The following RPL14 variants were observed in gnomAD, a reference collection of about 807,000 sequenced individuals.
RPL14 encodes ribosomal protein L14.
In RPL14, 4 loss-of-function variants were observed where a neutral mutation model predicts 25.3. That is an observed-to-expected ratio of 0.16 (90% confidence interval 0.08 to 0.36). RPL14 has a LOEUF of 0.36. Ranked by LOEUF, RPL14 falls within the 10% of genes least tolerant of loss-of-function variation. The pLI, the probability that RPL14 is intolerant of heterozygous loss-of-function variation, is 1.00. For missense variants in RPL14, 212 were observed against 261.9 expected, an observed-to-expected ratio of 0.81 and a Z score of 1.31; for synonymous variants, 75 against 89.8, an observed-to-expected ratio of 0.84 and a Z score of 0.93.
At chr3:40,460,533 A>G (rs2125625366) in intron 3 of RPL14, among the ~76,000 whole-genome samples, 1 of 152,092 alleles carries the variant, frequency 6.6e-6, no homozygotes. Flanking sequence ...AAAAGAAAAA[A>G]AAAAAGAATG....
chr3:40,459,116 C>G (rs566619780), intron 3 of RPL14: 2 of 214,482 alleles, frequency 9.3e-6, no homozygotes, highest in East Asian at 1.3e-4. Context: ...TTAGCGAGGT[C>G]GAGGCTGCAG....
At position 40,467,193 on chromosome 3, in the gene RPL14, G is replaced by A. The variant is rs576812834; in HGVS notation, c.*4961G>A. 7 of 152,062 alleles carry A rather than the reference G, an allele frequency of 4.6e-5. No individual in the cohort carries two copies. In the East Asian group the frequency reaches 5.8e-4, roughly 13 times the overall value. The allele number at this position is 152,062 out of a possible 1,614,324, so 9.4% of individuals were successfully genotyped here. A position where few individuals can be genotyped will look rare whatever the true frequency, so the allele number is the denominator to read the frequency against. The stretch of plus-strand genomic sequence containing the variant: ...TGCAACTTGCCTTTTTTCTTAATAC[G>A]TTCTGGAGATCTTATCTAGTCAGCC... On this transcript the variant is annotated 3_prime_UTR_variant, in exon 6 of 6. Transcript: ENST00000396203.
At position 40,468,245 on chromosome 3, in the gene RPL14, G is replaced by A. The variant is rs184019733; in HGVS notation, c.*6013G>A. 6.6e-6 allele frequency: 1 copy of A among 152,320 alleles called. No homozygotes were observed. The highest frequency in any genetic ancestry group is 1.9e-4 in the East Asian group (1 of 5,186). The allele number at this position is 152,320 out of a possible 1,614,324, so 9.4% of individuals were successfully genotyped here. The stretch of plus-strand genomic sequence containing the variant: ...CACATTGCCAATCAGTGCACTTGCT[G>A]GATTGAAGAATGTGAGTGTTTGTAT... On this transcript the variant is annotated 3_prime_UTR_variant, in exon 6 of 6. Transcript: ENST00000396203.
At chr3:40,458,531 A>G in intron 2 of RPL14, 111 bp from the exon 3 acceptor site, 1 of 751,934 alleles carries the variant, frequency 1.3e-6, no homozygotes, top group South Asian at 1.6e-5. Flanking sequence ...ATTTATTAAA[A>G]TAGTAGTGTG....
In RPL14 at chr3:40,458,678, C is replaced by G; in HGVS notation, c.142C>G (p.Gln48Glu). 6.2e-7 allele frequency: 1 copy of G among 1,614,164 alleles called. No homozygotes were observed. The highest frequency in any genetic ancestry group is 1.7e-5 in the Admixed American group (1 of 60,024). Residue 48 changes from glutamine to glutamate, a missense_variant, in exon 3 of 6, where the codon CAG (glutamine) becomes GAG (glutamate). Gln to Glu is a conservative substitution (Grantham distance 29, BLOSUM62 2). This residue lies in a region of RPL14 where 143 missense variants were observed against 180.3 expected (regional missense o/e 0.79). Transcript: ENST00000396203. The stretch of plus-strand genomic sequence containing the variant: ...TGGACCTTGCACTCAAGTGAGGAGA[C>G]AGGCCATGCCTTTCAAGTGCATGCA... ...VDGPCTQVRR[Q>E]AMPFKCMQLT...
rs576986966 is a variant in RPL14 at position 40,462,333 on chromosome 3, A to T, written c.*101A>T. The T allele has an allele frequency of 3.9e-6, 4 of 1,030,484 alleles. No homozygotes were observed. Among genetic ancestry groups the T allele is most frequent in the African/African-American group, 3.3e-5 (2 of 61,244 alleles). The allele number at this position is 1,030,484 out of a possible 1,614,324, so 63.8% of individuals were successfully genotyped here. On this transcript the variant is annotated 3_prime_UTR_variant, in exon 6 of 6. Transcript: ENST00000396203. ...TGTTGAGGCTGGAGTTAGGAGGCAG[A>T]TTGATAGTAGGATTATAATAAACAT...
At position 40,463,202 on chromosome 3, in the gene RPL14, C is replaced by G. The variant is rs1696975829; in HGVS notation, c.*970C>G. The G allele has an allele frequency of 2.0e-5, 3 of 151,398 alleles. No homozygotes were observed. The highest frequency in any genetic ancestry group is 4.4e-5 in the Non-Finnish European group (3 of 67,958). The allele number at this position is 151,398 out of a possible 1,614,324, so 9.4% of individuals were successfully genotyped here. Reference sequence around the variant, plus strand: ...GGGATTATAGGCATGGGCCACTGCACTTGGCCTTTTTTTGTTTTTTTGAGA... The same window carrying G: ...GGGATTATAGGCATGGGCCACTGCAGTTGGCCTTTTTTTGTTTTTTTGAGA... On this transcript the variant is annotated 3_prime_UTR_variant, in exon 6 of 6. Transcript: ENST00000396203.
In RPL14 at chr3:40,464,345, C is replaced by G. The variant is rs981575939; in HGVS notation, c.*2113C>G. The stretch of plus-strand genomic sequence containing the variant: ...GTAAAGGAAAAAGCACATTGATTTG[C>G]TTGATAATAGGCAAGTGGTATGGTG... On this transcript the variant is annotated 3_prime_UTR_variant, in exon 6 of 6. Coordinates refer to ENST00000396203, the MANE Select transcript of RPL14 (RefSeq NM_001034996.3). 2.3e-5 allele frequency: 9 copies of G among 389,806 alleles called. No homozygotes were observed. The highest frequency in any genetic ancestry group is 1.9e-4 in the African/African-American group (9 of 48,082). The allele number at this position is 389,806 out of a possible 1,614,324, so 24.1% of individuals were successfully genotyped here.
rs750297291 is a variant in RPL14 at position 40,457,470 on chromosome 3, G to T, written c.-2G>T. The stretch of plus-strand genomic sequence containing the variant: ...CGGCTCCCAGAGGGTCCCGGGAAGC[G>T]CATGGTGAGGGTCCCCGGGCCGGCT... On this transcript the variant is annotated 5_prime_UTR_variant, in exon 1 of 6. Transcript: ENST00000396203. 14 of 1,563,112 alleles carry T rather than the reference G, an allele frequency of 9.0e-6. No homozygotes were observed. The South Asian group carries it at 1.5e-4, about 17-fold the overall frequency.
rs1281849082 is a variant in RPL14 at position 40,462,083 on chromosome 3, A to G, written c.499A>G (p.Thr167Ala). Residue 167 changes from threonine to alanine, a missense_variant, in exon 6 of 6, where the codon ACC becomes GCC. By Grantham distance (58) the Thr-to-Ala change is moderately conservative. Coordinates refer to ENST00000396203, the MANE Select transcript of RPL14 (RefSeq NM_001034996.3). ...TGCTAAAGTTCCAGCAAAAAAGATC[A>G]CCGCCGCGAGTAAAAAGGCTCCAGC... ...AAAKVPAKKI[T>A]AASKKAPAQK... 5.1e-6 allele frequency: 8 copies of G among 1,572,988 alleles called. No individual in the cohort carries two copies. The highest frequency in any genetic ancestry group is 6.9e-6 in the Non-Finnish European group (8 of 1,154,066).
Position 40,461,517 on chromosome 3 carries a change from A to G in RPL14, c.300+11A>G. The stretch of plus-strand genomic sequence containing the variant: ...GAAGCCAGAGAAAGGGTAATAACTT[A>G]GGGTCATTTGAATTCTGGTCCTTTC... On this transcript the variant is annotated intron_variant, in intron 4 of 5. Transcript: ENST00000396203. 6.2e-7 allele frequency: 1 copy of G among 1,613,484 alleles called. No homozygotes were observed. The highest frequency in any genetic ancestry group is 8.5e-7 in the Non-Finnish European group (1 of 1,179,520).
rs150538107 is a variant in RPL14 at position 40,460,862 on chromosome 3, G to T, written c.201-545G>T. On this transcript the variant is annotated intron_variant, in intron 3 of 5. Transcript: ENST00000396203. The stretch of plus-strand genomic sequence containing the variant: ...CTCCCAAAGTGCTGGGATTACAGGT[G>T]TGAGCCACTGCGCCTGGTCAAGAGG... 1.3e-4 allele frequency among the ~76,000 whole-genome samples: 20 copies of T among 152,076 alleles called. No homozygotes were observed. The East Asian group carries it at 3.9e-3, about 30-fold the overall frequency.
rs1697002685 is a variant in RPL14 at position 40,464,696 on chromosome 3, A to G, written c.*2464A>G. ...GACTGGGAATGCTCGGGTTGGCAGT[A>G]TGAAGTTTGGCAGTAATCCAAGGAA... On this transcript the variant is annotated 3_prime_UTR_variant, in exon 6 of 6. Transcript: ENST00000396203. The G allele has an allele frequency of 6.0e-6, 2 of 332,794 alleles. No individual in the cohort carries two copies. The highest frequency in any genetic ancestry group is 4.8e-5 in the South Asian group (2 of 42,010). 20.6% of individuals were successfully genotyped at this position (332,794 alleles called of 1,614,324 possible).
rs1697046590 is a variant in RPL14 at position 40,467,668 on chromosome 3, A to G, written c.*5436A>G. 2 of 152,256 alleles carry G rather than the reference A, an allele frequency of 1.3e-5. No homozygotes were observed. The highest frequency in any genetic ancestry group is 4.8e-5 in the African/African-American group (2 of 41,462). The allele number at this position is 152,256 out of a possible 1,614,324, so 9.4% of individuals were successfully genotyped here. On this transcript the variant is annotated 3_prime_UTR_variant, in exon 6 of 6. Transcript: ENST00000396203. The stretch of plus-strand genomic sequence containing the variant: ...AACAATCCTTAGCCCAGTCAAGTGC[A>G]CACATAACCATAACAATTCTTACTA...
rs988695721 is a variant in RPL14, at chr3:40,461,307, G to A, written c.201-100G>A. 6 of 904,352 alleles carry A rather than the reference G, an allele frequency of 6.6e-6. No individual in the cohort carries two copies. In the African/African-American group the frequency reaches 8.2e-5, roughly 12 times the overall value. 56.0% of individuals were successfully genotyped at this position (904,352 alleles called of 1,614,324 possible). ...TAAAATACATAGTGTACCAGGTGTT[G>A]TGTAACAGGAAGAGTGCTTTTCAAG... On this transcript the variant is annotated intron_variant, in intron 3 of 5. Transcript: ENST00000396203.
chr3:40,457,695 C>T, intron 1 of RPL14, 195 bp from the exon 2 acceptor site: 1 of 654,288 alleles, frequency 1.5e-6, no homozygotes, highest in Non-Finnish European at 2.6e-6. Flanking sequence ...AGCTGGCGGG[C>T]GTTGGGAACC....
At chr3:40,459,946 A>G (rs1290834855) in intron 3 of RPL14, among the ~76,000 whole-genome samples, 2 of 151,652 alleles carry the variant, frequency 1.3e-5, no homozygotes, top group Admixed American at 1.3e-4. Context: ...ATTTTGAAGT[A>G]CTGGTAGTTG....
chr3:40,458,582 A>G (rs1696880214), intron 2 of RPL14, 60 bp from the exon 3 acceptor site: 1 of 1,307,198 alleles, frequency 7.6e-7, no homozygotes, highest in South Asian at 1.2e-5. Context: ...TTACAGAACC[A>G]TCTGACCATT....
At chr3:40,458,105 T>C (rs1020003214) in intron 2 of RPL14, 114 bp downstream of exon 2, 2 of 866,764 alleles carry the variant, frequency 2.3e-6, no homozygotes, top group African/African-American at 3.4e-5. Context: ...AGTCGCTTTA[T>C]TTTACCATTG....
Sources: gnomAD v4.1 joint callset for allele counts (sites outside exome capture counted in the v4.1 genomes callset) on GRCh38, gnomAD v4.1.1 for gene constraint, gnomAD v4.1.1 regional missense constraint, MANE v1.5 for transcripts, NCBI Gene and HGNC (gene_info 2026-07-23, HGNC 2026-07-21) for gene names.